The following GXYLT1 variants were observed in gnomAD, a reference collection of about 807,000 sequenced individuals.
GXYLT1 encodes the protein glycosyltransferase 8 domain containing 3.
GXYLT1 carries 29 observed loss-of-function variants against 54.0 expected under a neutral mutation model. The ratio of observed to expected loss-of-function variants is 0.54; its 90% confidence interval spans 0.40 to 0.73. The LOEUF is 0.73. Ranked by LOEUF, GXYLT1 falls within the 30% of genes least tolerant of loss-of-function variation. The pLI is 0.00. For synonymous variants in GXYLT1, 176 were observed against 204.1 expected (o/e 0.86, Z 1.17); for missense variants, 490 against 553.4 (o/e 0.89, Z 1.15).
chr12:42,137,464 C>T (rs1414759053), intron 1 of GXYLT1, among the ~76,000 whole-genome samples: 6 of 129,690 alleles, frequency 4.6e-5, no homozygotes, highest in African/African-American at 1.5e-4. Context: ...GCTGAGATCG[C>T]GTCATTGCAC....
intron 3 of GXYLT1, among the ~76,000 whole-genome samples, chr12:42,117,193 G>A (rs1352164910): frequency 6.6e-6 from 1 of 151,676 alleles, no homozygotes; most frequent in Non-Finnish European, 1.5e-5. Flanking sequence ...ATGAGTTAAT[G>A]GGTGTAGCAT....
At chr12:42,134,545 T>C (rs1235948647) in intron 1 of GXYLT1, among the ~76,000 whole-genome samples, 1 of 152,204 alleles carries the variant, frequency 6.6e-6, no homozygotes, top group Non-Finnish European at 1.5e-5. Flanking sequence ...TCCCATTACA[T>C]GTGTGGAAAT....
chr12:42,139,222 A>C (rs934306853), intron 1 of GXYLT1, among the ~76,000 whole-genome samples: 2 of 152,158 alleles, frequency 1.3e-5, no homozygotes, highest in Non-Finnish European at 2.9e-5. Flanking sequence ...AAAGATTTCT[A>C]AATCAAAAGT....
intron 2 of GXYLT1, among the ~76,000 whole-genome samples, chr12:42,128,309 G>A (rs184695905): frequency 1.7e-4 from 26 of 152,274 alleles, no homozygotes; most frequent in Non-Finnish European, 1.6e-4. Context: ...TAATGAGCTT[G>A]ATATAATCAG....
intron 3 of GXYLT1, among the ~76,000 whole-genome samples, chr12:42,110,063 C>T (rs2065443873): frequency 1.3e-5 from 2 of 152,066 alleles, no homozygotes; most frequent in South Asian, 4.2e-4. Context: ...TTATTACCAC[C>T]ATATATACGA....
intron 7 of GXYLT1, among the ~76,000 whole-genome samples, chr12:42,090,851 T>C (rs2065325058): frequency 6.6e-6 from 1 of 152,238 alleles, no homozygotes; most frequent in South Asian, 2.1e-4. Context: ...ATGCAGAAAA[T>C]ACCTTATAGA....
chr12:42,113,580 A>G (rs1296498135), intron 3 of GXYLT1, among the ~76,000 whole-genome samples: 7 of 151,074 alleles, frequency 4.6e-5, no homozygotes, highest in Non-Finnish European at 7.3e-5. Flanking sequence ...AAGAAGAGCT[A>G]ACTATCCTAA....
rs145423971 is a variant in GXYLT1, at chr12:42,116,591, C to G, written c.486+2409G>C. Among the ~76,000 whole-genome samples the G allele has an allele frequency of 7.5e-3, 1,148 of 152,248 alleles. 17 individuals are homozygous for G. The highest frequency in any genetic ancestry group is 0.026 in the African/African-American group (1,074 of 41,532). ...AACCACAACGAGATACCATCTCACA[C>G]CAGTTAGAATGGCAATCATTAAAAA... On this transcript the variant is annotated intron_variant, in intron 3 of 7. Transcript: ENST00000398675.
chr12:42,140,295 A>G (rs2065644931), intron 1 of GXYLT1, among the ~76,000 whole-genome samples: 1 of 151,284 alleles, frequency 6.6e-6, no homozygotes, highest in Non-Finnish European at 1.5e-5. Context: ...GCACATATCT[A>G]AAACATAAAT....
intron 1 of GXYLT1, among the ~76,000 whole-genome samples, chr12:42,138,545 G>A (rs2136921984): frequency 1.6e-5 from 1 of 61,092 alleles, no homozygotes; most frequent in Admixed American, 1.4e-4. Context: ...AAAAGGGAGG[G>A]GAAAAAAACT....
chr12:42,137,725 C>T (rs1159578205), intron 1 of GXYLT1, among the ~76,000 whole-genome samples: 1 of 127,060 alleles, frequency 7.9e-6, no homozygotes, highest in Non-Finnish European at 1.6e-5. Flanking sequence ...CCACTGCACT[C>T]CAGCCTAAGT....
intron 5 of GXYLT1, among the ~76,000 whole-genome samples, chr12:42,102,211 C>T (rs1388147324): frequency 6.6e-6 from 1 of 152,136 alleles, no homozygotes; most frequent in Non-Finnish European, 1.5e-5. Context: ...AATTAAAGCG[C>T]ATTCACATTA....
At chr12:42,120,590 G>A (rs1455692612) in intron 2 of GXYLT1, among the ~76,000 whole-genome samples, 2 of 152,024 alleles carry the variant, frequency 1.3e-5, no homozygotes, top group Non-Finnish European at 2.9e-5. Flanking sequence ...GAGTACAGTG[G>A]TGCATTCATA....
At chr12:42,143,950 G>C (rs1789493830) in intron 1 of GXYLT1, among the ~76,000 whole-genome samples, 1 of 152,104 alleles carries the variant, frequency 6.6e-6, no homozygotes, top group Admixed American at 6.5e-5. Context: ...AGAAGTGTAA[G>C]CGTTAACACA....
intron 1 of GXYLT1, among the ~76,000 whole-genome samples, chr12:42,135,673 G>T (rs1018576824): frequency 3.9e-5 from 6 of 152,188 alleles, no homozygotes; most frequent in Non-Finnish European, 8.8e-5. Flanking sequence ...GATAAACCTT[G>T]AAATATTATG....
At chr12:42,115,810 C>T in intron 3 of GXYLT1, among the ~76,000 whole-genome samples, 1 of 150,812 alleles carries the variant, frequency 6.6e-6, no homozygotes, top group Non-Finnish European at 1.5e-5. Flanking sequence ...AAAAAAGAGC[C>T]TGCGTCGCCA....
intron 7 of GXYLT1, among the ~76,000 whole-genome samples, chr12:42,097,049 G>T (rs1259583432): frequency 1.3e-5 from 2 of 152,022 alleles, no homozygotes; most frequent in African/African-American, 4.8e-5. Flanking sequence ...CTGAGAAACT[G>T]TTCTAGATCA....
At chr12:42,114,932 A>G (rs1399077016) in intron 3 of GXYLT1, among the ~76,000 whole-genome samples, 1 of 152,188 alleles carries the variant, frequency 6.6e-6, no homozygotes. Context: ...CTTATCCACC[A>G]TGATCAAGTG....
intron 2 of GXYLT1, among the ~76,000 whole-genome samples, chr12:42,122,362 G>A (rs1271666984): frequency 6.6e-6 from 1 of 152,144 alleles, no homozygotes. Flanking sequence ...GGCCGAGGTG[G>A]GTGAATCATT....
Sources: allele counts gnomAD v4.1 joint callset (sites outside exome capture counted in the v4.1 genomes callset), GRCh38; gene constraint gnomAD v4.1.1; transcripts MANE v1.5; gene names NCBI Gene and HGNC (gene_info 2026-07-23, HGNC 2026-07-21).